RBFOX3: variants seen among roughly 807,000 people sequenced by gnomAD.
RBFOX3 encodes the protein RNA binding fox-1 homolog 3.
Under a neutral mutation model 48.7 loss-of-function variants are expected in RBFOX3, and 17 were observed. The ratio of observed to expected loss-of-function variants is 0.35; its 90% CI spans 0.24 to 0.52. The LOEUF is 0.52. Ranked by LOEUF, RBFOX3 falls within the 20% of genes least tolerant of loss-of-function variation. The pLI, the probability that RBFOX3 is intolerant of heterozygous loss-of-function variation, is 0.94. For missense variants in RBFOX3, 382 were observed against 497.5 expected (o/e 0.77, Z 2.21); for synonymous variants, 212 against 209.5 (o/e 1.01, Z -0.10).
rs976849421 is a variant in RBFOX3, at chr17:79,287,818, G to A, written c.-74+19906C>T. On this transcript the variant is annotated intron_variant, in intron 3 of 14. Transcript: ENST00000693108. ...CTGGACACCTTGGCCTGTGCTGACCGCCTGGCCTCCCTGCTTCTGGAATGG... is the reference window on the plus strand; with the variant it reads ...CTGGACACCTTGGCCTGTGCTGACCACCTGGCCTCCCTGCTTCTGGAATGG... Among the ~76,000 whole-genome samples, 20 of 152,272 alleles carry A rather than the reference G, an allele frequency of 1.3e-4. 1 individual carries two copies. Among genetic ancestry groups the A allele is most frequent in the Non-Finnish European group, 1.0e-4 (7 of 68,012 alleles).
intron 1 of RBFOX3, among the ~76,000 whole-genome samples, chr17:79,524,972 GC>G (rs1313691714): frequency 5.3e-5 from 8 of 152,120 alleles, no homozygotes; most frequent in Non-Finnish European, 8.8e-5. Flanking sequence ...TCCATAATTG[GC>G]TAACAAGGAT....
chr17:79,230,050 C>T (rs1424336536), intron 4 of RBFOX3, among the ~76,000 whole-genome samples: 1 of 152,156 alleles, frequency 6.6e-6, no homozygotes, highest in Non-Finnish European at 1.5e-5. Flanking sequence ...GAAGACCAAA[C>T]AGGCTCAGCT....
At position 79,364,157 on chromosome 17, in the gene RBFOX3, A is replaced by G. The variant is rs2057391797; in HGVS notation, c.-174-56333T>C. 6.6e-6 allele frequency among the ~76,000 whole-genome samples: 1 copy of G among 152,344 alleles called. No individual in the cohort carries two copies. Among genetic ancestry groups the G allele is most frequent in the South Asian group, 2.1e-4 (1 of 4,830 alleles). On this transcript the variant is annotated intron_variant, in intron 2 of 14. Coordinates refer to ENST00000693108, the MANE Select transcript of RBFOX3 (RefSeq NM_001350451.2). The surrounding 1 kb of genome is among the most constrained non-coding windows in gnomAD (Gnocchi z 5.1). The stretch of plus-strand genomic sequence containing the variant: ...GTCATTTAAACAGCCCCATGCCCAG[A>G]AGGCAGGCTCCGTGGGAACTGGTGT...
intron 1 of RBFOX3, among the ~76,000 whole-genome samples, chr17:79,512,458 A>G (rs1352287158): frequency 1.4e-5 from 2 of 138,104 alleles, no homozygotes; most frequent in Non-Finnish European, 3.1e-5. Context: ...TCCTATAGCC[A>G]GGGGATATAC....
At chr17:79,255,943 G>C (rs2064767143) in intron 3 of RBFOX3, among the ~76,000 whole-genome samples, 1 of 151,324 alleles carries the variant, frequency 6.6e-6, no homozygotes, top group African/African-American at 2.4e-5. Context: ...AGCACAGAGG[G>C]GCACAGCTGC....
chr17:79,567,074 C>T (rs2092481403), intron 1 of RBFOX3, among the ~76,000 whole-genome samples: 2 of 152,130 alleles, frequency 1.3e-5, no homozygotes, highest in Non-Finnish European at 2.9e-5. Context: ...TTCCTCTTCC[C>T]GTTCTCCTTC....
chr17:79,332,818 C>T (rs1285327842), intron 2 of RBFOX3, among the ~76,000 whole-genome samples: 2 of 147,714 alleles, frequency 1.4e-5, no homozygotes, highest in Non-Finnish European at 3.0e-5. Flanking sequence ...AAAAGAGAGA[C>T]AGAGACATAG....
chr17:79,643,307 T>C, the RBFOX3 span, among the ~76,000 whole-genome samples: 1 of 152,088 alleles, frequency 6.6e-6, no homozygotes, highest in Admixed American at 6.5e-5. Flanking sequence ...AACTTCACAA[T>C]ACATAAGGAA....
At chr17:79,134,264 G>A (rs577072009) in intron 4 of RBFOX3, among the ~76,000 whole-genome samples, 1 of 152,370 alleles carries the variant, frequency 6.6e-6, no homozygotes, top group South Asian at 2.1e-4. Context: ...TGGCAACGAA[G>A]ATTACATAAT....
At chr17:79,345,535 C>T (rs1253399420) in intron 2 of RBFOX3, among the ~76,000 whole-genome samples, 2 of 152,188 alleles carry the variant, frequency 1.3e-5, no homozygotes, top group African/African-American at 2.4e-5. Context: ...AAACGCTACT[C>T]ATTGTGGTCT....
In RBFOX3 at chr17:79,096,311, C is replaced by T. The variant is rs1194324030; in HGVS notation, c.936+342G>A. Among the ~76,000 whole-genome samples the T allele has an allele frequency of 2.0e-5, 3 of 152,170 alleles. No individual in the cohort carries two copies. In the East Asian group the frequency reaches 5.8e-4, roughly 29 times the overall value. ...CTCTTGCAGCCCGTGCTGTGGGTGC[C>T]TTAGGGGCTCACTCACTGACCGCAG... On this transcript the variant is annotated intron_variant, in intron 12 of 14. Transcript: ENST00000693108.
intron 4 of RBFOX3, among the ~76,000 whole-genome samples, chr17:79,166,361 C>T (rs1373164292): frequency 6.6e-6 from 1 of 152,210 alleles, no homozygotes; most frequent in East Asian, 1.9e-4. Flanking sequence ...CCGCCCCGGG[C>T]TCCAACTCAG....
intron 2 of RBFOX3, among the ~76,000 whole-genome samples, chr17:79,407,850 T>C (rs1195665535): frequency 6.6e-6 from 1 of 152,226 alleles, no homozygotes; most frequent in Non-Finnish European, 1.5e-5. Context: ...TTGCTAAGAC[T>C]AGAAACAACA....
In RBFOX3 at chr17:79,090,769, G is replaced by GC; in HGVS notation, c.*113_*114insG. The GC allele has an allele frequency of 8.7e-7, 1 of 1,155,026 alleles. No homozygotes were observed. Among genetic ancestry groups the GC allele is most frequent in the Non-Finnish European group, 1.2e-6 (1 of 846,444 alleles). The allele number at this position is 1,155,026 out of a possible 1,614,324, so 71.5% of individuals were successfully genotyped here. A position where few individuals can be genotyped will look rare whatever the true frequency, so the allele number is the denominator to read the frequency against. The stretch of plus-strand genomic sequence containing the variant: ...GGTTGGATGCCTCTTGGTTTGGTTG[G>GC]TTTTTTTTTTGTTGCTTGGATCTTA... On this transcript the variant is annotated 3_prime_UTR_variant, in exon 15 of 15. Coordinates refer to ENST00000693108, the MANE Select transcript of RBFOX3 (RefSeq NM_001350451.2).
chr17:79,311,927 A>G lies in RBFOX3; in HGVS notation c.-174-4103T>C, dbSNP rs1181791238. Reference sequence around the variant, plus strand: ...GTCAGGCGCGGCTGTGATGAGGACAACCCAGGTGCCAGCTTCAGCTCGGGC... The same window carrying G: ...GTCAGGCGCGGCTGTGATGAGGACAGCCCAGGTGCCAGCTTCAGCTCGGGC... On this transcript the variant is annotated intron_variant, in intron 2 of 14. Transcript: ENST00000693108. The surrounding 1 kb of genome is among the most constrained non-coding windows in gnomAD (Gnocchi z 4.2). Among the ~76,000 whole-genome samples, 1 of 152,080 alleles carries G rather than the reference A, an allele frequency of 6.6e-6. No homozygotes were observed. Among genetic ancestry groups the G allele is most frequent in the East Asian group, 1.9e-4 (1 of 5,196 alleles).
the RBFOX3 span, among the ~76,000 whole-genome samples, chr17:79,624,528 G>A: frequency 3.9e-5 from 6 of 152,156 alleles, no homozygotes; most frequent in Non-Finnish European, 8.8e-5. Flanking sequence ...GTCCAACAGC[G>A]ACCACAGAGC....
At chr17:79,620,447 A>G in the RBFOX3 span, among the ~76,000 whole-genome samples, 1 of 146,950 alleles carries the variant, frequency 6.8e-6, no homozygotes, top group Non-Finnish European at 1.5e-5. Flanking sequence ...ATGCACATGC[A>G]CACATGCGCA....
intron 4 of RBFOX3, among the ~76,000 whole-genome samples, chr17:79,163,776 G>A (rs576056867): frequency 1.4e-3 from 203 of 148,110 alleles, no homozygotes; most frequent in African/African-American, 4.7e-3. Flanking sequence ...ACCTGGGACC[G>A]CCAGATGCAG....
intron 1 of RBFOX3, among the ~76,000 whole-genome samples, chr17:79,527,804 G>A (rs1283097712): frequency 1.3e-5 from 2 of 152,204 alleles, no homozygotes; most frequent in Non-Finnish European, 2.9e-5. Flanking sequence ...AGGAGAGCAT[G>A]CCTGTTGCTG....
Sources: allele counts gnomAD v4.1 joint callset (sites outside exome capture counted in the v4.1 genomes callset), GRCh38; gene constraint gnomAD v4.1.1; non-coding constraint Gnocchi (gnomAD v3.1); transcripts MANE v1.5; gene names NCBI Gene and HGNC (gene_info 2026-07-23, HGNC 2026-07-21).